The following RALGPS1 variants were observed in gnomAD, a reference collection of about 807,000 sequenced individuals.
RALGPS1 encodes the protein ras-specific guanine nucleotide-releasing factor RalGPS1.
A neutral mutation model predicts 78.8 loss-of-function variants in RALGPS1; 19 were observed. The ratio of observed to expected loss-of-function variants is 0.24; its 90% confidence interval spans 0.17 to 0.35. The LOEUF is 0.35. RALGPS1 is among the 10% of genes least tolerant of loss of function. The pLI is 1.00. For synonymous variants in RALGPS1, 228 were observed against 256.3 expected, an observed-to-expected ratio of 0.89 and a Z score of 1.06; for missense variants, 454 against 688.3, an observed-to-expected ratio of 0.66 and a Z score of 3.81.
intron 18 of RALGPS1, chr9:127,216,772 G>T: frequency 1.3e-6 from 1 of 790,934 alleles, no homozygotes. Context: ...CGCCGCCCCA[G>T]CTTGCATTAA....
rs2049139066 is a variant in RALGPS1 at position 127,060,725 on chromosome 9, A to G, written c.483+7786A>G. Among the ~76,000 whole-genome samples the G allele has an allele frequency of 2.0e-5, 3 of 152,120 alleles. No homozygotes were observed. In the South Asian group the frequency reaches 6.2e-4, roughly 32 times the overall value. On this transcript the variant is annotated intron_variant, in intron 7 of 18. Coordinates refer to ENST00000259351, the MANE Select transcript of RALGPS1 (RefSeq NM_014636.3). Reference sequence around the variant, plus strand: ...GTTACTGGAGTGATCTCTCCAAAACATACCTTCAAGGTTTTCACATCCCTG... The same window carrying G: ...GTTACTGGAGTGATCTCTCCAAAACGTACCTTCAAGGTTTTCACATCCCTG...
chr9:127,015,844 C>T (rs998452441), intron 4 of RALGPS1, among the ~76,000 whole-genome samples: 1 of 152,072 alleles, frequency 6.6e-6, no homozygotes, highest in African/African-American at 2.4e-5. Flanking sequence ...CTGCCCTGCT[C>T]CACTTGGAGG....
intron 8 of RALGPS1, among the ~76,000 whole-genome samples, chr9:127,136,655 G>GC (rs200625152): frequency 1.3e-5 from 2 of 152,024 alleles, no homozygotes; most frequent in Non-Finnish European, 2.9e-5. Context: ...CTCAGCCCTG[G>GC]CCCCCCCAGA....
At chr9:127,114,005 C>T (rs973233605) in intron 8 of RALGPS1, among the ~76,000 whole-genome samples, 5 of 152,196 alleles carry the variant, frequency 3.3e-5, no homozygotes, top group Non-Finnish European at 7.3e-5. Flanking sequence ...TTGAGTTCAC[C>T]CCAAAGGTTA....
At chr9:126,933,255 G>GGC (rs2035964369) in intron 1 of RALGPS1, among the ~76,000 whole-genome samples, 1 of 152,138 alleles carries the variant, frequency 6.6e-6, no homozygotes, top group Non-Finnish European at 1.5e-5. Context: ...CAGAAAGAGG[G>GGC]GCTGGTGAGC....
chr9:127,166,316 A>G, intron 9 of RALGPS1, 110 bp downstream of exon 9: 2 of 1,346,544 alleles, frequency 1.5e-6, no homozygotes. Flanking sequence ...TCCTCATTTT[A>G]ATATATCGAG....
Position 127,060,538 on chromosome 9 carries a change from G to A in RALGPS1, c.483+7599G>A, listed in dbSNP as rs570883742. Among the ~76,000 whole-genome samples, 346 of 131,296 alleles carry A rather than the reference G, an allele frequency of 2.6e-3. 2 individuals carry two copies. The highest frequency in any genetic ancestry group is 5.5e-4 in the Non-Finnish European group (31 of 56,824). The allele number at this position is 131,296 out of a possible 152,430, so 86.1% of individuals were successfully genotyped here. The stretch of plus-strand genomic sequence containing the variant: ...TGTTGTTGTTGTTGTTGTTGTTGTT[G>A]TTGTTATTAATATTTTCAACTCTTC... On this transcript the variant is annotated intron_variant, in intron 7 of 18. Coordinates refer to ENST00000259351, the MANE Select transcript of RALGPS1 (RefSeq NM_014636.3).
intron 8 of RALGPS1, among the ~76,000 whole-genome samples, chr9:127,114,163 C>T (rs1308754263): frequency 6.6e-6 from 1 of 152,238 alleles, no homozygotes; most frequent in African/African-American, 2.4e-5. Flanking sequence ...CATGGTGGCC[C>T]CACTTGAGCA....
chr9:126,922,131 A>G (rs960273244), intron 1 of RALGPS1, among the ~76,000 whole-genome samples: 3 of 152,192 alleles, frequency 2.0e-5, no homozygotes, highest in African/African-American at 2.4e-5. Flanking sequence ...TCTCAGGCCC[A>G]TTTAGGAACT....
At chr9:127,065,648 C>T (rs1183086807) in intron 7 of RALGPS1, among the ~76,000 whole-genome samples, 2 of 152,264 alleles carry the variant, frequency 1.3e-5, no homozygotes, top group East Asian at 3.9e-4. Context: ...ATCCCCTCCC[C>T]TCCATGTGCC....
chr9:127,041,509 T>A (rs936391609), intron 5 of RALGPS1, among the ~76,000 whole-genome samples: 2 of 152,206 alleles, frequency 1.3e-5, no homozygotes, highest in African/African-American at 4.8e-5. Flanking sequence ...GCAACTGATA[T>A]TGTCAGCTAT....
intron 8 of RALGPS1, among the ~76,000 whole-genome samples, chr9:127,096,820 T>A (rs1000436570): frequency 6.6e-6 from 1 of 152,204 alleles, no homozygotes; most frequent in Non-Finnish European, 1.5e-5. Context: ...ACTGAAGTAG[T>A]AATAATAATA....
chr9:126,924,357 C>T (rs1310519505), intron 1 of RALGPS1, among the ~76,000 whole-genome samples: 1 of 152,208 alleles, frequency 6.6e-6, no homozygotes, highest in African/African-American at 2.4e-5. Context: ...TAAGAAAAGA[C>T]AGTGCCTGTT....
intron 7 of RALGPS1, among the ~76,000 whole-genome samples, chr9:127,063,603 GTTT>G (rs1204704641): frequency 1.3e-5 from 2 of 151,918 alleles, no homozygotes; most frequent in East Asian, 3.9e-4. Flanking sequence ...TTGATGGTTT[GTTT>G]TTTAACATGC....
intron 1 of RALGPS1, among the ~76,000 whole-genome samples, chr9:126,943,821 G>A (rs1419242163): frequency 6.6e-6 from 1 of 152,216 alleles, no homozygotes; most frequent in Non-Finnish European, 1.5e-5. Context: ...GGACCAGGCT[G>A]TTCATTATGA....
intron 14 of RALGPS1, among the ~76,000 whole-genome samples, chr9:127,208,072 A>C (rs1030974770): frequency 6.6e-6 from 1 of 152,164 alleles, no homozygotes; most frequent in Non-Finnish European, 1.5e-5. Flanking sequence ...AGAGCTGGGC[A>C]TGCTCTTGTG....
At chr9:127,031,132 T>G (rs2046400676) in intron 4 of RALGPS1, among the ~76,000 whole-genome samples, 1 of 152,176 alleles carries the variant, frequency 6.6e-6, no homozygotes, top group Admixed American at 6.5e-5. Context: ...GCCGTACTGG[T>G]CTCATCCCAA....
At chr9:127,018,679 T>TAATAAC (rs947228792) in intron 4 of RALGPS1, among the ~76,000 whole-genome samples, 1 of 147,884 alleles carries the variant, frequency 6.8e-6, no homozygotes, top group Non-Finnish European at 1.5e-5. Flanking sequence ...ATAATAATAA[T>TAATAAC]AACGATGAAA....
chr9:127,003,267 G>C (rs1234671405), intron 4 of RALGPS1, among the ~76,000 whole-genome samples: 1 of 151,966 alleles, frequency 6.6e-6, no homozygotes, highest in Non-Finnish European at 1.5e-5. Flanking sequence ...TGAACAGGCA[G>C]CCTACAAAAT....
Sources: gnomAD v4.1 joint callset for allele counts (sites outside exome capture counted in the v4.1 genomes callset) on GRCh38, gnomAD v4.1.1 for gene constraint, MANE v1.5 for transcripts, NCBI Gene and HGNC (gene_info 2026-07-23, HGNC 2026-07-21) for gene names.